Variants in FAM135A observed in about 807,000 individuals in gnomAD.
The protein encoded by FAM135A is family with sequence similarity 135 member A.
FAM135A carries 79 observed loss-of-function variants against 146.8 expected under a neutral mutation model. That is an observed-to-expected ratio of 0.54 (90% confidence interval 0.45 to 0.65). The LOEUF is 0.65. FAM135A is among the 30% of genes least tolerant of loss of function. FAM135A has a pLI of 0.00. For synonymous variants in FAM135A, 562 were observed against 603.6 expected (o/e 0.93, Z 1.01); for missense variants, 1,623 against 1,758.2 (o/e 0.92, Z 1.38).
At chr6:70,481,690 A>G (rs1055254237) in intron 9 of FAM135A, among the ~76,000 whole-genome samples, 1 of 152,112 alleles carries the variant, frequency 6.6e-6, no homozygotes, top group African/African-American at 2.4e-5. Flanking sequence ...TATTATTATA[A>G]AAGAAAAGGG....
chr6:70,556,981 C>T, intron 21 of FAM135A, 118 bp downstream of exon 21: 1 of 726,506 alleles, frequency 1.4e-6, no homozygotes. Flanking sequence ...ACTTCCTTTC[C>T]ACCCACTTAT....
chr6:70,554,711 T>A (rs1025426227), intron 20 of FAM135A, among the ~76,000 whole-genome samples: 1 of 152,084 alleles, frequency 6.6e-6, no homozygotes, highest in African/African-American at 2.4e-5. Context: ...CACTGCAACC[T>A]CCGCCTCCTG....
intron 4 of FAM135A, among the ~76,000 whole-genome samples, chr6:70,434,152 A>G (rs1013645584): frequency 2.0e-5 from 3 of 152,222 alleles, no homozygotes; most frequent in African/African-American, 7.2e-5. Context: ...AGACTTCCCA[A>G]TGACTTCATT....
At chr6:70,448,245 G>A (rs1776260383) in intron 4 of FAM135A, among the ~76,000 whole-genome samples, 2 of 152,164 alleles carry the variant, frequency 1.3e-5, no homozygotes, top group Non-Finnish European at 2.9e-5. Flanking sequence ...GGATGCAGAA[G>A]GGTAGACATG....
intron 4 of FAM135A, among the ~76,000 whole-genome samples, chr6:70,429,518 A>G (rs551723642): frequency 3.4e-4 from 51 of 152,096 alleles, no homozygotes; most frequent in Non-Finnish European, 5.9e-4. Flanking sequence ...ATCTCAAGGA[A>G]CGTTAAAAAA....
intron 4 of FAM135A, among the ~76,000 whole-genome samples, chr6:70,436,193 A>G (rs1043200841): frequency 7.9e-5 from 12 of 152,074 alleles, no homozygotes; most frequent in African/African-American, 2.9e-4. Flanking sequence ...TCAAAAAAAA[A>G]AAAAAAAAAG....
intron 4 of FAM135A, among the ~76,000 whole-genome samples, chr6:70,429,879 A>C (rs929782215): frequency 6.6e-6 from 1 of 152,176 alleles, no homozygotes; most frequent in Admixed American, 6.5e-5. Context: ...CTAACAGAAG[A>C]AGTAGAGCAA....
chr6:70,469,342 A>T (rs1391009167), intron 5 of FAM135A, among the ~76,000 whole-genome samples: 1 of 152,228 alleles, frequency 6.6e-6, no homozygotes, highest in South Asian at 2.1e-4. Context: ...GAAGTTTATT[A>T]TATGTAAGTC....
chr6:70,477,840 T>G (rs1455882967), intron 8 of FAM135A, among the ~76,000 whole-genome samples: 2 of 152,150 alleles, frequency 1.3e-5, no homozygotes, highest in Non-Finnish European at 2.9e-5. Context: ...TATAATAAAA[T>G]TCAAGAGTAT....
In FAM135A at chr6:70,544,218, G is replaced by T. The variant is rs1798439188; in HGVS notation, c.4228+5817G>T. Among the ~76,000 whole-genome samples, 3 of 152,284 alleles carry T rather than the reference G, an allele frequency of 2.0e-5. No homozygotes were observed. In the South Asian group the frequency reaches 6.2e-4, roughly 32 times the overall value. On this transcript the variant is annotated intron_variant, in intron 20 of 21. Coordinates refer to ENST00000418814, the MANE Select transcript of FAM135A (RefSeq NM_001162529.3). ...TCTCCAGTTTGGGAGGCTGAGGCAG[G>T]TGAATTGCTTGGGCTTAGGAGTTTA...
At chr6:70,446,654 ATAGAGTAATTACAT>A (rs1361168585) in intron 4 of FAM135A, among the ~76,000 whole-genome samples, 1 of 152,220 alleles carries the variant, frequency 6.6e-6, no homozygotes, top group East Asian at 1.9e-4. Context: ...TAACTGCGTC[ATAGAGTAATTACAT>A]TGAGGCATTA....
At chr6:70,513,492 C>T (rs998760839) in intron 12 of FAM135A, 1 of 150,026 alleles carries the variant, frequency 6.7e-6, no homozygotes, top group Non-Finnish European at 1.5e-5. Context: ...TTGATTCGGA[C>T]AATTTGTGGG....
chr6:70,524,783 C>A lies in FAM135A; in HGVS notation c.1699C>A (p.Gln567Lys), dbSNP rs759259891. ...YNFDPKTYMR[Q>K]TSQKEASCLP... ...TTTTGACCCAAAGACCTACATGAGA[C>A]AGACAAGTCAAAAGGAAGCTAGCTG... Residue 567 changes from glutamine to lysine, a missense_variant, in exon 15 of 22, where the codon CAG becomes AAG. Around this residue, in one of 7 missense-constraint regions of FAM135A, gnomAD observed 1,061 missense variants for 1,113.8 expected, o/e 0.95. Transcript: ENST00000418814. 25 of 1,551,836 alleles carry A rather than the reference C, an allele frequency of 1.6e-5. No individual in the cohort carries two copies. Among genetic ancestry groups the A allele is most frequent in the Non-Finnish European group, 2.2e-5 (25 of 1,147,070 alleles).
intron 5 of FAM135A, among the ~76,000 whole-genome samples, chr6:70,453,391 T>A (rs995606608): frequency 6.6e-6 from 1 of 152,178 alleles, no homozygotes; most frequent in Non-Finnish European, 1.5e-5. Context: ...ACTAAAATGT[T>A]GGTTAATGTT....
At chr6:70,536,910 C>T (rs935368699) in intron 19 of FAM135A, among the ~76,000 whole-genome samples, 2 of 149,830 alleles carry the variant, frequency 1.3e-5, no homozygotes, top group Non-Finnish European at 3.0e-5. Flanking sequence ...TTTATATTCT[C>T]ATCAACAAAT....
At chr6:70,499,175 A>G (rs1394683014) in intron 11 of FAM135A, among the ~76,000 whole-genome samples, 1 of 152,202 alleles carries the variant, frequency 6.6e-6, no homozygotes, top group East Asian at 1.9e-4. Context: ...TGGTGCATAT[A>G]TATTTAGGAT....
chr6:70,531,031 A>G (rs1374743374), intron 16 of FAM135A, among the ~76,000 whole-genome samples: 1 of 152,200 alleles, frequency 6.6e-6, no homozygotes. Flanking sequence ...CAGGACTGTA[A>G]GATGAATGCC....
intron 10 of FAM135A, among the ~76,000 whole-genome samples, chr6:70,490,427 C>T (rs1442934531): frequency 3.3e-5 from 5 of 151,880 alleles, no homozygotes; most frequent in African/African-American, 9.7e-5. Context: ...AATTTGTGCA[C>T]CTCTTTATAG....
intron 18 of FAM135A, among the ~76,000 whole-genome samples, chr6:70,534,075 T>C (rs941879993): frequency 2.0e-5 from 3 of 152,006 alleles, no homozygotes; most frequent in Non-Finnish European, 2.9e-5. Context: ...TGCTTAGAGC[T>C]GGGGAAGATG....
Sources: gnomAD v4.1 joint callset for allele counts (sites outside exome capture counted in the v4.1 genomes callset) on GRCh38, gnomAD v4.1.1 for gene constraint, gnomAD v4.1.1 regional missense constraint, MANE v1.5 for transcripts, NCBI Gene and HGNC (gene_info 2026-07-23, HGNC 2026-07-21) for gene names.